The following FER1L6 variants were observed in gnomAD, a reference collection of about 807,000 sequenced individuals.
FER1L6 encodes fer-1-like protein 6.
In FER1L6, 177 loss-of-function variants were observed where a neutral mutation model predicts 219.2. The ratio of observed to expected loss-of-function variants is 0.81; its 90% CI spans 0.71 to 0.91. FER1L6 has a LOEUF of 0.91. Ranked by LOEUF, FER1L6 falls within the 40% of genes least tolerant of loss-of-function variation. The pLI, the probability that FER1L6 is intolerant of heterozygous loss-of-function variation, is 0.00. For synonymous variants in FER1L6, 768 were observed against 824.3 expected, an observed-to-expected ratio of 0.93 and a Z score of 1.17; for missense variants, 2,153 against 2,259.9, an observed-to-expected ratio of 0.95 and a Z score of 0.96.
intron 1 of FER1L6, among the ~76,000 whole-genome samples, chr8:123,861,880 T>G (rs1816751718): frequency 7.7e-6 from 1 of 130,610 alleles, no homozygotes; most frequent in Non-Finnish European, 1.6e-5. Flanking sequence ...GATTTGGGGC[T>G]GAGACGATGG....
intron 1 of FER1L6, among the ~76,000 whole-genome samples, chr8:123,954,212 A>G (rs527964716): frequency 6.6e-6 from 1 of 152,290 alleles, no homozygotes; most frequent in South Asian, 2.1e-4. Flanking sequence ...TTCAGAGTCC[A>G]TTCTTTCCAT....
At chr8:123,976,633 A>G (rs1816085592) in intron 9 of FER1L6, among the ~76,000 whole-genome samples, 3 of 152,178 alleles carry the variant, frequency 2.0e-5, no homozygotes, top group Admixed American at 1.3e-4. Context: ...ATACAGGCAG[A>G]CAGGCATCCT....
chr8:123,871,245 G>T (rs1032914681), intron 1 of FER1L6, among the ~76,000 whole-genome samples: 14 of 152,174 alleles, frequency 9.2e-5, no homozygotes, highest in Non-Finnish European at 1.9e-4. Context: ...AAATATATTT[G>T]CTTGTGCTGC....
intron 12 of FER1L6, among the ~76,000 whole-genome samples, chr8:123,995,891 A>T (rs567883380): frequency 2.6e-4 from 40 of 152,212 alleles, no homozygotes; most frequent in Non-Finnish European, 5.1e-4. Flanking sequence ...AGAAATTTTT[A>T]AATTTCCTTC....
chr8:123,992,172 T>C (rs1360535274), intron 12 of FER1L6, among the ~76,000 whole-genome samples: 1 of 152,048 alleles, frequency 6.6e-6, no homozygotes, highest in Non-Finnish European at 1.5e-5. Flanking sequence ...CTTTTTGTTA[T>C]GTCCTTTCCT....
chr8:124,021,413 G>A lies in FER1L6; in HGVS notation c.2014-137G>A, dbSNP rs181288020. 1.8e-4 allele frequency: 193 copies of A among 1,097,188 alleles called. 2 individuals carry two copies. The highest frequency in any genetic ancestry group is 1.7e-3 in the Admixed American group (74 of 44,280). 68.0% of individuals were successfully genotyped at this position (1,097,188 alleles called of 1,614,324 possible). On this transcript the variant is annotated intron_variant, in intron 16 of 40. Coordinates refer to ENST00000522917, the MANE Select transcript of FER1L6 (RefSeq NM_001039112.2). The stretch of plus-strand genomic sequence containing the variant: ...TTTCCACCAAGGAGGCAGCATGCAC[G>A]GTGGCAGACCCTGGAACAGTCCACG...
intron 20 of FER1L6, chr8:124,040,532 TAAGGG>T (rs1819439683): frequency 5.9e-6 from 1 of 169,670 alleles, no homozygotes; most frequent in African/African-American, 2.4e-5. Flanking sequence ...TTGTGAGTAT[TAAGGG>T]AGATGGGTTG....
rs777288280 is a variant in FER1L6 at position 123,963,383 on chromosome 8, C to T, written c.182C>T (p.Ala61Val). The change falls in exon 3 of 41, where the codon GCT (alanine) becomes GTT (valine). Residue 61 changes from alanine to valine, a missense_variant. By Grantham distance (64) the Ala-to-Val change is moderately conservative (BLOSUM62 0). Coordinates refer to ENST00000522917, the MANE Select transcript of FER1L6 (RefSeq NM_001039112.2). ...GCTTCTATCTTTCCTGTCCCCTCAG[C>T]TTCTCCAAAGAGAAGGTACAGTATG... ...DDASIFPVPS[A>V]SPKRRSKLLT... 6.2e-7 allele frequency: 1 copy of T among 1,614,088 alleles called. No homozygotes were observed. The highest frequency in any genetic ancestry group is 8.5e-7 in the Non-Finnish European group (1 of 1,179,952).
intron 1 of FER1L6, among the ~76,000 whole-genome samples, chr8:123,879,098 G>T (rs1031282531): frequency 1.2e-4 from 18 of 152,138 alleles, no homozygotes; most frequent in African/African-American, 4.1e-4. Context: ...CAATAGGCCA[G>T]ACCAGGCTGG....
At chr8:123,874,338 A>C (rs2130282520) in intron 1 of FER1L6, among the ~76,000 whole-genome samples, 1 of 152,324 alleles carries the variant, frequency 6.6e-6, no homozygotes, top group Non-Finnish European at 1.5e-5. Context: ...TAGCTGCGTC[A>C]CGTTACCTAT....
intron 35 of FER1L6, 124 bp downstream of exon 35, chr8:124,095,162 G>A (rs749478872): frequency 7.7e-7 from 1 of 1,298,028 alleles, no homozygotes. Flanking sequence ...ATCATTTTGT[G>A]TTGTCACAAG....
At chr8:124,018,144 G>T (rs997837843) in intron 16 of FER1L6, among the ~76,000 whole-genome samples, 7 of 152,184 alleles carry the variant, frequency 4.6e-5, no homozygotes, top group African/African-American at 1.7e-4. Context: ...ACCCCTCTGT[G>T]TCCTGGGAAC....
At chr8:123,965,373 T>C (rs1456996017) in intron 3 of FER1L6, among the ~76,000 whole-genome samples, 2 of 152,216 alleles carry the variant, frequency 1.3e-5, no homozygotes, top group African/African-American at 4.8e-5. Flanking sequence ...GATTTCAGCT[T>C]CTATGACAAC....
chr8:124,075,578 A>C (rs796427131), intron 31 of FER1L6, among the ~76,000 whole-genome samples: 6 of 152,350 alleles, frequency 3.9e-5, no homozygotes, highest in African/African-American at 1.4e-4. Context: ...TATAGTAAAT[A>C]CATAAACCAG....
rs34449042 is a variant in FER1L6, at chr8:123,949,352, CA to C, written c.-7-6630del. On this transcript the variant is annotated intron_variant, in intron 1 of 40. Coordinates refer to ENST00000522917, the MANE Select transcript of FER1L6 (RefSeq NM_001039112.2). The stretch of plus-strand genomic sequence containing the variant: ...CTCCTATTTCCAATGTCCACAGCAT[CA>C]AAAAAAAAATGAGGTTCAGAGGAAT... Among the ~76,000 whole-genome samples, 700 of 146,846 alleles carry C rather than the reference CA, an allele frequency of 4.8e-3. 7 individuals are homozygous for C. The highest frequency in any genetic ancestry group is 0.016 in the African/African-American group (623 of 40,162).
intron 18 of FER1L6, 78 bp downstream of exon 18, chr8:124,023,674 C>A: frequency 6.8e-7 from 1 of 1,477,592 alleles, no homozygotes; most frequent in Admixed American, 1.9e-5. Context: ...AGTGTGTGTC[C>A]ATGGCTCTGA....
At chr8:124,099,795 C>T (rs1822475771) in intron 37 of FER1L6, among the ~76,000 whole-genome samples, 1 of 152,170 alleles carries the variant, frequency 6.6e-6, no homozygotes, top group Non-Finnish European at 1.5e-5. Flanking sequence ...TCTCTCCAGC[C>T]TCATTTCATA....
At chr8:123,901,595 A>T (rs935219893) in intron 1 of FER1L6, among the ~76,000 whole-genome samples, 3 of 152,022 alleles carry the variant, frequency 2.0e-5, no homozygotes, top group African/African-American at 7.2e-5. Flanking sequence ...TGACCTTAGA[A>T]TGTCAGTTAG....
intron 19 of FER1L6, chr8:124,036,340 G>A (rs1397282276): frequency 6.6e-6 from 1 of 152,170 alleles, no homozygotes; most frequent in Non-Finnish European, 1.5e-5. Flanking sequence ...TCAGCTCATG[G>A]TTTCTGTACC....
Sources: allele counts gnomAD v4.1 joint callset (sites outside exome capture counted in the v4.1 genomes callset), GRCh38; gene constraint gnomAD v4.1.1; transcripts MANE v1.5; gene names NCBI Gene and HGNC (gene_info 2026-07-23, HGNC 2026-07-21).